The following PBX3 variants were observed in gnomAD, a reference collection of about 807,000 sequenced individuals.
The protein encoded by PBX3 is PBX homeobox 3.
PBX3 carries 14 observed loss-of-function variants against 48.5 expected under a neutral mutation model. The ratio of observed to expected loss-of-function variants is 0.29; its 90% CI spans 0.19 to 0.45. The LOEUF (loss-of-function observed/expected upper bound fraction) is 0.45. Among genes scored for constraint, PBX3 ranks in the 20% least tolerant of loss-of-function variants. The pLI is 1.00. For synonymous variants in PBX3, 210 were observed against 200.3 expected, an observed-to-expected ratio of 1.05 and a Z score of -0.41; for missense variants, 386 against 546.7, an observed-to-expected ratio of 0.71 and a Z score of 2.93.
chr9:125,953,225 G>A (rs1232382369), intron 5 of PBX3, among the ~76,000 whole-genome samples: 4 of 152,120 alleles, frequency 2.6e-5, no homozygotes, highest in Admixed American at 1.3e-4. Context: ...CAGTAGGACT[G>A]AGGGGCCAGC....
At position 125,825,347 on chromosome 9, in the gene PBX3, G is replaced by A. The variant is rs182822012; in HGVS notation, c.274+76724G>A. Among the ~76,000 whole-genome samples, 312 of 152,068 alleles carry A rather than the reference G, an allele frequency of 2.1e-3. 6 individuals are homozygous for A. The highest frequency in any genetic ancestry group is 3.5e-3 in the Non-Finnish European group (240 of 67,972). On this transcript the variant is annotated intron_variant, in intron 2 of 8. Transcript: ENST00000373489. ...TGGCTTATGTGGGTTATATTTATTA[G>A]TATTTACTGTATTAGAAATTTAAAA...
chr9:125,836,615 A>G (rs1376528749), intron 2 of PBX3, among the ~76,000 whole-genome samples: 1 of 152,184 alleles, frequency 6.6e-6, no homozygotes, highest in Non-Finnish European at 1.5e-5. Context: ...ACCTATAGTT[A>G]ACAGTAATTT....
In PBX3 at chr9:125,902,994, C is replaced by A. The variant is rs1840985308; in HGVS notation, c.275-12692C>A. On this transcript the variant is annotated intron_variant, in intron 2 of 8. Coordinates refer to ENST00000373489, the MANE Select transcript of PBX3 (RefSeq NM_006195.6). ...TTCTGCTATCTGCACCTGTTAGAAC[C>A]CAATACTGTCAGACTCTGTTTTCCC... 2.0e-5 allele frequency among the ~76,000 whole-genome samples: 3 copies of A among 151,588 alleles called. No homozygotes were observed. The South Asian group carries it at 6.2e-4, about 32-fold the overall frequency.
Position 125,759,740 on chromosome 9 carries a change from T to C in PBX3, c.274+11117T>C, listed in dbSNP as rs764726251. Among the ~76,000 whole-genome samples the C allele has an allele frequency of 2.0e-5, 3 of 152,236 alleles. No homozygotes were observed. The highest frequency in any genetic ancestry group is 4.4e-5 in the Non-Finnish European group (3 of 68,038). ...ATAATTGTTTTTCACACATAAGTTA[T>C]GCAAATGAGCTTTTATGGCAACTGG... On this transcript the variant is annotated intron_variant, in intron 2 of 8. Transcript: ENST00000373489. This position sits in a 1 kb window ranked among gnomAD's most constrained non-coding sequence, Gnocchi z 4.2.
chr9:125,868,411 T>A (rs1173138979), intron 2 of PBX3, among the ~76,000 whole-genome samples: 2 of 152,206 alleles, frequency 1.3e-5, no homozygotes, highest in Admixed American at 1.3e-4. Flanking sequence ...TCACCTGGCA[T>A]AGAACACTTA....
At chr9:125,843,791 GAGAAC>G (rs1395093438) in intron 2 of PBX3, 84 of 455,956 alleles carry the variant, frequency 1.8e-4, no homozygotes, top group African/African-American at 1.6e-3. Flanking sequence ...ATGATGCTGA[GAGAAC>G]GTCTGGGAGA....
At chr9:125,750,316 T>A (rs532994243) in intron 2 of PBX3, among the ~76,000 whole-genome samples, 2 of 152,310 alleles carry the variant, frequency 1.3e-5, no homozygotes, top group African/African-American at 4.8e-5. Context: ...TATTTGTATT[T>A]ATTTATTTAT....
chr9:125,811,844 C>G (rs1478509616), intron 2 of PBX3, among the ~76,000 whole-genome samples: 1 of 152,058 alleles, frequency 6.6e-6, no homozygotes, highest in East Asian at 1.9e-4. Context: ...TCCTCATGAC[C>G]TATTTATCTC....
At chr9:125,775,779 A>G (rs565558931) in intron 2 of PBX3, among the ~76,000 whole-genome samples, 1 of 152,328 alleles carries the variant, frequency 6.6e-6, no homozygotes, top group Admixed American at 6.5e-5. Flanking sequence ...TCTGCAAAAA[A>G]TTGTGATAGG....
chr9:125,808,544 TG>T (rs1173333145), intron 2 of PBX3, among the ~76,000 whole-genome samples: 1 of 152,030 alleles, frequency 6.6e-6, no homozygotes, highest in East Asian at 1.9e-4. Flanking sequence ...CATGCGTTGG[TG>T]GTCTTAGCGA....
Position 125,780,618 on chromosome 9 carries a change from C to G in PBX3, c.274+31995C>G, listed in dbSNP as rs1368540150. 3.3e-5 allele frequency among the ~76,000 whole-genome samples: 4 copies of G among 121,134 alleles called. No homozygotes were observed. The East Asian group carries it at 1.3e-3, about 40-fold the overall frequency. 79.5% of individuals were successfully genotyped at this position (121,134 alleles called of 152,430 possible). ...GCAGAGGCGCCCCTCACCTCCCGGACGGGGCGGCTGGCCGGGCGGGGGGCT... is the reference window on the plus strand; with the variant it reads ...GCAGAGGCGCCCCTCACCTCCCGGAGGGGGCGGCTGGCCGGGCGGGGGGCT... On this transcript the variant is annotated intron_variant, in intron 2 of 8. Coordinates refer to ENST00000373489, the MANE Select transcript of PBX3 (RefSeq NM_006195.6).
chr9:125,871,406 A>G (rs992115625), intron 2 of PBX3, among the ~76,000 whole-genome samples: 19 of 152,168 alleles, frequency 1.2e-4, no homozygotes, highest in Admixed American at 6.5e-5. Context: ...ATCTAAAAAA[A>G]CCCAGGTGTT....
intron 2 of PBX3, among the ~76,000 whole-genome samples, chr9:125,780,541 G>A (rs1837244361): frequency 6.9e-6 from 1 of 144,112 alleles, no homozygotes; most frequent in South Asian, 2.2e-4. Flanking sequence ...CCTCCTGGAC[G>A]GGGTGGCTGG....
At chr9:125,926,820 C>G (rs1024908264) in intron 3 of PBX3, among the ~76,000 whole-genome samples, 1 of 151,460 alleles carries the variant, frequency 6.6e-6, no homozygotes, top group Admixed American at 6.6e-5. Context: ...AACTCCGTCT[C>G]AAAAAAAATA....
chr9:125,762,376 CA>C (rs1836692751), intron 2 of PBX3, among the ~76,000 whole-genome samples: 1 of 152,162 alleles, frequency 6.6e-6, no homozygotes, highest in Admixed American at 6.6e-5. Context: ...CTTTCCTTCT[CA>C]AATTCTTTAC....
Position 125,966,188 on chromosome 9 carries a change from A to G in PBX3, c.*265A>G. 3.6e-6 allele frequency: 1 copy of G among 277,204 alleles called. No homozygotes were observed. Among genetic ancestry groups the G allele is most frequent in the East Asian group, 6.9e-5 (1 of 14,592 alleles). The allele number at this position is 277,204 out of a possible 1,614,324, so 17.2% of individuals were successfully genotyped here. On this transcript the variant is annotated 3_prime_UTR_variant, in exon 9 of 9. Coordinates refer to ENST00000373489, the MANE Select transcript of PBX3 (RefSeq NM_006195.6). ...TTGACAGTCCTGTAGCTATTTTATC[A>G]TAATTTATTATCAATATTTTACATT... is the stretch of plus-strand genomic sequence containing the variant.
At chr9:125,872,073 T>C (rs910205035) in intron 2 of PBX3, among the ~76,000 whole-genome samples, 4 of 152,140 alleles carry the variant, frequency 2.6e-5, no homozygotes, top group Non-Finnish European at 5.9e-5. Flanking sequence ...ATTGAATAGA[T>C]TGTATAGCTT....
chr9:125,782,646 AG>A (rs1837352975), intron 2 of PBX3, among the ~76,000 whole-genome samples: 1 of 152,032 alleles, frequency 6.6e-6, no homozygotes, highest in African/African-American at 2.4e-5. Context: ...TCTTCACTGG[AG>A]TTCTTTATTT....
At chr9:125,839,266 A>T (rs902310844) in intron 2 of PBX3, among the ~76,000 whole-genome samples, 1 of 152,210 alleles carries the variant, frequency 6.6e-6, no homozygotes, top group Admixed American at 6.5e-5. Context: ...TACTACTATT[A>T]ACAATAATTT....
Sources: gnomAD v4.1 joint callset for allele counts (sites outside exome capture counted in the v4.1 genomes callset) on GRCh38, gnomAD v4.1.1 for gene constraint, Gnocchi (gnomAD v3.1) non-coding constraint, MANE v1.5 for transcripts, NCBI Gene and HGNC (gene_info 2026-07-23, HGNC 2026-07-21) for gene names.